The following CDKL1 variants were observed in gnomAD, a reference collection of about 807,000 sequenced individuals.
The protein encoded by CDKL1 is cyclin dependent kinase like 1, also known as cyclin-dependent kinase-like 1.
CDKL1 carries 41 observed loss-of-function variants against 42.0 expected under a neutral mutation model. The ratio of observed to expected loss-of-function variants is 0.98; its 90% CI spans 0.76 to 1.27. The LOEUF is 1.27. Among genes scored for constraint, CDKL1 ranks in the 50% most tolerant of loss-of-function variants. The pLI, the probability that CDKL1 is intolerant of heterozygous loss-of-function variation, is 0.00. For missense variants in CDKL1, 394 were observed against 428.4 expected (o/e 0.92, Z 0.71); for synonymous variants, 153 against 158.6 (o/e 0.96, Z 0.26).
Position 50,396,881 on chromosome 14 carries a change from C to G in CDKL1, c.-519G>C. 1 of 220,666 alleles carries G rather than the reference C, an allele frequency of 4.5e-6. No homozygotes were observed. Among genetic ancestry groups the G allele is most frequent in the Non-Finnish European group, 8.6e-6 (1 of 116,298 alleles). 13.7% of individuals were successfully genotyped at this position (220,666 alleles called of 1,614,324 possible). A position where few individuals can be genotyped will look rare whatever the true frequency, so the allele number is the denominator to read the frequency against. On this transcript the variant is annotated 5_prime_UTR_variant, in exon 1 of 10. Coordinates refer to ENST00000395834, the MANE Select transcript of CDKL1 (RefSeq NM_004196.7). Reference sequence around the variant, plus strand: ...CCGCCTCGCCTTCTTCCGCCCAGCTCGGCTCGGCGTGGCTCGGCCCGCGAT... The same window carrying G: ...CCGCCTCGCCTTCTTCCGCCCAGCTGGGCTCGGCGTGGCTCGGCCCGCGAT...
chr14:50,335,468 T>A (rs2033214608), intron 7 of CDKL1: 10 of 1,536,070 alleles, frequency 6.5e-6, no homozygotes, highest in Non-Finnish European at 8.7e-6. Context: ...GCCTGCTGTT[T>A]AAACAGTCTC....
intron 2 of CDKL1, among the ~76,000 whole-genome samples, chr14:50,373,648 G>A (rs1252757274): frequency 6.6e-6 from 1 of 152,058 alleles, no homozygotes; most frequent in African/African-American, 2.4e-5. Flanking sequence ...AATACAGATG[G>A]GAAATTTTAA....
At chr14:50,378,377 T>C (rs761712419) in intron 2 of CDKL1, 1 of 1,366,300 alleles carries the variant, frequency 7.3e-7, no homozygotes, top group African/African-American at 1.5e-5. Flanking sequence ...ACCTGCCTCA[T>C]AGGTACCAGC....
intron 2 of CDKL1, among the ~76,000 whole-genome samples, chr14:50,375,585 T>TCA (rs922459659): frequency 6.6e-6 from 1 of 152,140 alleles, no homozygotes; most frequent in Non-Finnish European, 1.5e-5. Context: ...GATCACAAGG[T>TCA]CAGGTGTTTG....
Position 50,334,568 on chromosome 14 carries a change from T to G in CDKL1, c.792A>C (p.Leu264=), listed in dbSNP as rs1344532157. The G allele has an allele frequency of 1.3e-6, 2 of 1,588,224 alleles. No individual in the cohort carries two copies. Among genetic ancestry groups the G allele is most frequent in the Admixed American group, 3.3e-5 (2 of 59,932 alleles). Residue 264 remains leucine, a synonymous_variant, in exon 8 of 10, where the codon CTA becomes CTC. Coordinates refer to ENST00000395834, the MANE Select transcript of CDKL1 (RefSeq NM_004196.7). ...TGTTGGAAGCCATGATTTTTACCTT[T>G]AGGAGCCCCAGGGCAGGATAAGAGA... ...PNISYPALGL[L]KGCLHMDPTQ...
Position 50,390,172 on chromosome 14 carries a change from T to C in CDKL1, c.168+5529A>G. 2.2e-6 allele frequency: 3 copies of C among 1,366,190 alleles called. No homozygotes were observed. In the South Asian group the frequency reaches 3.4e-5, roughly 16 times the overall value. The allele number at this position is 1,366,190 out of a possible 1,614,324, so 84.6% of individuals were successfully genotyped here. A position where few individuals can be genotyped will look rare whatever the true frequency, so the allele number is the denominator to read the frequency against. Reference sequence around the variant, plus strand: ...TGATTCCTTCTCTTTGTCTCACTTGTTTTTCTTGTTTTCTGGAGGGAGACA... The same window carrying C: ...TGATTCCTTCTCTTTGTCTCACTTGCTTTTCTTGTTTTCTGGAGGGAGACA... On this transcript the variant is annotated intron_variant, in intron 2 of 9. Transcript: ENST00000395834.
intron 3 of CDKL1, among the ~76,000 whole-genome samples, chr14:50,348,884 C>G (rs1326500433): frequency 6.6e-6 from 1 of 151,990 alleles, no homozygotes; most frequent in Non-Finnish European, 1.5e-5. Context: ...GCTGTTGTAT[C>G]CATGAAATAA....
At chr14:50,391,507 C>T (rs1396625523) in intron 2 of CDKL1, among the ~76,000 whole-genome samples, 1 of 152,084 alleles carries the variant, frequency 6.6e-6, no homozygotes. Flanking sequence ...CTCAGACTCC[C>T]AAGTAGCTGG....
At chr14:50,378,392 G>A (rs377675964) in intron 2 of CDKL1, 132 of 1,366,400 alleles carry the variant, frequency 9.7e-5, no homozygotes, top group South Asian at 5.0e-4. Flanking sequence ...ACCAGCAGCC[G>A]TCTTGAAGGG....
chr14:50,373,836 A>T (rs182714441), intron 2 of CDKL1, among the ~76,000 whole-genome samples: 376 of 152,326 alleles, frequency 2.5e-3, no homozygotes, highest in Non-Finnish European at 4.4e-3. Flanking sequence ...CGGTGTGCTA[A>T]ATCAGACAGC....
chr14:50,347,429 G>A (rs2033764619), intron 3 of CDKL1, among the ~76,000 whole-genome samples: 2 of 152,176 alleles, frequency 1.3e-5, no homozygotes, highest in Non-Finnish European at 2.9e-5. Context: ...AGGTTCTCTG[G>A]TTAAGGGAAC....
intron 8 of CDKL1, chr14:50,333,560 TAACTG>T (rs1219894180): frequency 1.3e-5 from 2 of 152,148 alleles, no homozygotes; most frequent in African/African-American, 4.8e-5. Context: ...AATCAAGAAA[TAACTG>T]TAAGTATACT....
chr14:50,369,720 G>A (rs2034537787), intron 2 of CDKL1, among the ~76,000 whole-genome samples: 1 of 151,730 alleles, frequency 6.6e-6, no homozygotes, highest in Admixed American at 6.6e-5. Context: ...CTGGGTTCAA[G>A]CAATTCTCCT....
intron 2 of CDKL1, among the ~76,000 whole-genome samples, chr14:50,365,349 T>C (rs1451605703): frequency 1.3e-5 from 2 of 152,214 alleles, no homozygotes; most frequent in Non-Finnish European, 2.9e-5. Context: ...TCTTCCTCCA[T>C]GAGATGATCT....
chr14:50,332,349 T>C lies in CDKL1; in HGVS notation c.879A>G (p.Ile293Met). The C allele has an allele frequency of 6.2e-7, 1 of 1,614,256 alleles. No homozygotes were observed. The highest frequency in any genetic ancestry group is 8.5e-7 in the Non-Finnish European group (1 of 1,180,042). The change falls in exon 9 of 10, where the codon ATA (isoleucine) becomes ATG (methionine). Residue 293 changes from isoleucine (I) to methionine (M), a missense_variant. Transcript: ENST00000395834. Reference sequence around the variant, plus strand: ...TGTTGTGTTCTTTTGCCAAATCCTCTATTTCTCTGATGTTTTCAAAATATG... The same window carrying C: ...TGTTGTGTTCTTTTGCCAAATCCTCCATTTCTCTGATGTTTTCAAAATATG... ...HHPYFENIREIEDLAKEHNKP... is the reference protein window; with the variant it reads ...HHPYFENIREMEDLAKEHNKP...
At chr14:50,368,896 T>C (rs1196242279) in intron 2 of CDKL1, among the ~76,000 whole-genome samples, 1 of 148,164 alleles carries the variant, frequency 6.7e-6, no homozygotes, top group East Asian at 2.0e-4. Flanking sequence ...AGATGGAGTC[T>C]CGCTCTGTCA....
chr14:50,386,964 T>G (rs1595374246), intron 2 of CDKL1, among the ~76,000 whole-genome samples: 1 of 149,986 alleles, frequency 6.7e-6, no homozygotes, highest in South Asian at 2.1e-4. Context: ...GAGGTGGAGG[T>G]TGCAGTAAGC....
chr14:50,393,582 C>CA (rs1222038201), intron 2 of CDKL1, among the ~76,000 whole-genome samples: 1 of 152,140 alleles, frequency 6.6e-6, no homozygotes, highest in East Asian at 1.9e-4. Context: ...GGGCTTAAGC[C>CA]ATCCTCTTGC....
At chr14:50,351,740 A>C (rs1345132757) in intron 3 of CDKL1, among the ~76,000 whole-genome samples, 1 of 152,062 alleles carries the variant, frequency 6.6e-6, no homozygotes, top group African/African-American at 2.4e-5. Context: ...GTCTCAAAAA[A>C]AAAAAAAAAA....
Sources: gnomAD v4.1 joint callset for allele counts (sites outside exome capture counted in the v4.1 genomes callset) on GRCh38, gnomAD v4.1.1 for gene constraint, MANE v1.5 for transcripts, NCBI Gene and HGNC (gene_info 2026-07-23, HGNC 2026-07-21) for gene names.